Variants in NRG3 observed in about 807,000 individuals in gnomAD.
NRG3 encodes the protein neuregulin 3, also known as pro-neuregulin-3, membrane-bound isoform.
NRG3 carries 31 observed loss-of-function variants against 66.9 expected under a neutral mutation model. The ratio of observed to expected loss-of-function variants is 0.46; its 90% CI spans 0.35 to 0.63. The LOEUF (loss-of-function observed/expected upper bound fraction) is 0.63. Among genes scored for constraint, NRG3 ranks in the 20% least tolerant of loss-of-function variants. The pLI, the probability that NRG3 is intolerant of heterozygous loss-of-function variation, is 0.00. For missense variants in NRG3, 910 were observed against 878.9 expected, an observed-to-expected ratio of 1.04 and a Z score of -0.45; for synonymous variants, 393 against 359.4, an observed-to-expected ratio of 1.09 and a Z score of -1.06.
chr10:82,968,305 A>G (rs536755589), intron 6 of NRG3, among the ~76,000 whole-genome samples: 32 of 152,346 alleles, frequency 2.1e-4, no homozygotes, highest in African/African-American at 7.2e-4. Context: ...CCAGCAATTT[A>G]AACTTGAATT....
chr10:82,114,742 G>A (rs1303205125), intron 1 of NRG3, among the ~76,000 whole-genome samples: 1 of 152,034 alleles, frequency 6.6e-6, no homozygotes, highest in Non-Finnish European at 1.5e-5. Context: ...ATTGCTTCTG[G>A]CCATCTCTAA....
intron 8 of NRG3, among the ~76,000 whole-genome samples, chr10:82,981,167 C>T (rs1852850832): frequency 6.6e-6 from 1 of 152,150 alleles, no homozygotes; most frequent in Admixed American, 6.5e-5. Context: ...ATCAGGGGCT[C>T]AGAGATCTCA....
chr10:82,764,047 CT>C (rs1030483467), intron 3 of NRG3, among the ~76,000 whole-genome samples: 9 of 151,032 alleles, frequency 6.0e-5, no homozygotes, highest in East Asian at 2.0e-4. Context: ...TTTCCTTTTT[CT>C]TTTTTTTTGA....
At chr10:82,140,194 C>T (rs1258918635) in intron 1 of NRG3, among the ~76,000 whole-genome samples, 1 of 152,102 alleles carries the variant, frequency 6.6e-6, no homozygotes, top group Non-Finnish European at 1.5e-5. Context: ...ACTTCCTAGT[C>T]GACTCTTTGC....
At chr10:82,778,967 G>T (rs2135253386) in intron 3 of NRG3, among the ~76,000 whole-genome samples, 1 of 152,098 alleles carries the variant, frequency 6.6e-6, no homozygotes, top group East Asian at 1.9e-4. Flanking sequence ...GTTTAACTGG[G>T]GTCTGGTACT....
chr10:82,083,957 G>C (rs2065558692), intron 1 of NRG3, among the ~76,000 whole-genome samples: 1 of 151,878 alleles, frequency 6.6e-6, no homozygotes, highest in Non-Finnish European at 1.5e-5. Context: ...GCTGGGTGTG[G>C]TGGCTCACTC....
At chr10:82,519,051 T>C (rs866262800) in intron 2 of NRG3, among the ~76,000 whole-genome samples, 20 of 152,192 alleles carry the variant, frequency 1.3e-4, no homozygotes, top group South Asian at 4.1e-4. Flanking sequence ...TCAAAGACTT[T>C]CATAGGAATC....
intron 4 of NRG3, 22 bp downstream of exon 4, chr10:82,865,459 A>G (rs963177687): frequency 2.5e-6 from 4 of 1,610,496 alleles, no homozygotes; most frequent in Non-Finnish European, 3.4e-6. Flanking sequence ...CAATTTGCTC[A>G]TTTAATATCC....
intron 2 of NRG3, among the ~76,000 whole-genome samples, chr10:82,462,388 A>C (rs1014171349): frequency 2.0e-5 from 3 of 151,154 alleles, no homozygotes; most frequent in Admixed American, 2.0e-4. Flanking sequence ...CCAAATATAC[A>C]TATACACATA....
At chr10:82,107,335 A>G (rs1286514218) in intron 1 of NRG3, among the ~76,000 whole-genome samples, 1 of 152,210 alleles carries the variant, frequency 6.6e-6, no homozygotes, top group Non-Finnish European at 1.5e-5. Flanking sequence ...GCAACATGCT[A>G]AGGAAGTCAT....
chr10:82,656,443 G>A (rs2051872095), intron 2 of NRG3, among the ~76,000 whole-genome samples: 1 of 151,428 alleles, frequency 6.6e-6, no homozygotes, highest in East Asian at 1.9e-4. Flanking sequence ...TCCACTTTAG[G>A]TTTTCTTGAA....
At chr10:82,296,467 G>A (rs969518474) in intron 1 of NRG3, among the ~76,000 whole-genome samples, 3 of 152,138 alleles carry the variant, frequency 2.0e-5, no homozygotes, top group Non-Finnish European at 4.4e-5. Context: ...GTGGAGGAAA[G>A]CAGGTGACAC....
intron 1 of NRG3, among the ~76,000 whole-genome samples, chr10:82,161,836 A>G (rs1449827946): frequency 6.6e-6 from 1 of 152,150 alleles, no homozygotes; most frequent in African/African-American, 2.4e-5. Context: ...AGTTTAAGCA[A>G]AGCAATTAAG....
chr10:82,985,704 CTTAGAAGAA>C lies in NRG3; in HGVS notation c.*100_*108del. ...ATATGCATTAATTTAAGAGCATCTA[CTTAGAAGAA>C]ACCAAATAGTCTATCGCCCTCATAT... On this transcript the variant is annotated 3_prime_UTR_variant, in exon 9 of 9. Coordinates refer to ENST00000372141, the MANE Select transcript of NRG3 (RefSeq NM_001010848.4). The C allele has an allele frequency of 2.3e-6, 3 of 1,329,520 alleles. No homozygotes were observed. The highest frequency in any genetic ancestry group is 2.9e-5 in the African/African-American group (2 of 68,044). 82.4% of individuals were successfully genotyped at this position (1,329,520 alleles called of 1,614,324 possible).
intron 2 of NRG3, among the ~76,000 whole-genome samples, chr10:82,496,685 C>A (rs73307853): frequency 0.026 from 3,932 of 152,134 alleles, 165 homozygotes; most frequent in African/African-American, 0.09. Context: ...TATCAAACAC[C>A]AAATATCAAA....
intron 2 of NRG3, among the ~76,000 whole-genome samples, chr10:82,522,753 C>T (rs1846320035): frequency 6.6e-6 from 1 of 151,508 alleles, no homozygotes; most frequent in South Asian, 2.1e-4. Flanking sequence ...AACATGGTTT[C>T]CTTTATTTCT....
At chr10:82,027,593 G>A (rs955274516) in intron 1 of NRG3, among the ~76,000 whole-genome samples, 1 of 152,100 alleles carries the variant, frequency 6.6e-6, no homozygotes, top group African/African-American at 2.4e-5. Context: ...TTTAAATGCT[G>A]CTTGGATATT....
intron 1 of NRG3, among the ~76,000 whole-genome samples, chr10:81,983,279 T>A (rs527583678): frequency 3.0e-4 from 45 of 152,278 alleles, no homozygotes; most frequent in African/African-American, 9.4e-4. Context: ...AAAATAAAAA[T>A]TGTTCTAGGA....
chr10:82,289,529 T>C (rs2079605520), intron 1 of NRG3, among the ~76,000 whole-genome samples: 1 of 152,236 alleles, frequency 6.6e-6, no homozygotes, highest in African/African-American at 2.4e-5. Context: ...TAATAACTTG[T>C]CTCTTGCTCT....
Sources: gnomAD v4.1 joint callset for allele counts (sites outside exome capture counted in the v4.1 genomes callset) on GRCh38, gnomAD v4.1.1 for gene constraint, MANE v1.5 for transcripts, NCBI Gene and HGNC (gene_info 2026-07-23, HGNC 2026-07-21) for gene names.